TMSB4X: variants seen among roughly 807,000 people sequenced by gnomAD.
TMSB4X encodes thymosin beta-4.
TMSB4X carries 1 observed loss-of-function variant against 3.6 expected under a neutral mutation model. The observed-to-expected ratio is 0.28, with a 90% CI of 0.10 to 1.32. The LOEUF is 1.32. TMSB4X is among the 40% of genes most tolerant of loss of function. The pLI is 0.45. For synonymous variants in TMSB4X, 12 were observed against 14.3 expected (o/e 0.84, Z 0.36); for missense variants, 6 against 32.7 (o/e 0.18, Z 1.99).
intron 1 of TMSB4X, chrX:12,975,457 C>T (rs755472234): frequency 8.8e-6 from 1 of 113,146 alleles, no homozygotes; most frequent in African/African-American, 3.2e-5. Context: ...TTGTGCGTTG[C>T]CTTGGAGGCT....
chrX:12,976,868 T>C lies in TMSB4X; in HGVS notation c.*57T>C, dbSNP rs2043299373. On this transcript the variant is annotated 3_prime_UTR_variant, in exon 3 of 3. Coordinates refer to ENST00000451311, the MANE Select transcript of TMSB4X (RefSeq NM_021109.4). ...TTCCACAAGCATTGCCTTCTTATTT[T>C]ACTTCTTTTAGCTGTTTAACTTTGT... 3.5e-6 allele frequency: 4 copies of C among 1,138,877 alleles called. No individual in the cohort carries two copies. Among genetic ancestry groups the C allele is most frequent in the Non-Finnish European group, 1.2e-6 (1 of 835,594 alleles). The allele number at this position is 1,138,877 out of a possible 1,213,427, so 93.9% of individuals were successfully genotyped here.
chrX:12,976,184 A>C (rs2043295174), intron 1 of TMSB4X, 62 bp from the exon 2 acceptor site: 1 of 895,859 alleles, frequency 1.1e-6, no homozygotes, highest in Non-Finnish European at 1.6e-6. Context: ...TGCAGTTCCC[A>C]GCCCAGAGAC....
intron 1 of TMSB4X, chrX:12,976,012 G>T: frequency 3.1e-6 from 1 of 325,485 alleles, no homozygotes; most frequent in Non-Finnish European, 5.5e-6. Flanking sequence ...GGCTTTGAGA[G>T]GCATCCGCCC....
chrX:12,975,809 C>G, intron 1 of TMSB4X: 1 of 115,771 alleles, frequency 8.6e-6, no homozygotes, highest in Non-Finnish European at 1.8e-5. Context: ...GGCCCGCATC[C>G]TTGCGGAGAG....
At position 12,976,821 on chromosome X, in the gene TMSB4X, C is replaced by G; in HGVS notation, c.*10C>G. ...AGCAGGCGAATCGTAATGAGGCGTG[C>G]GCCGCCAATATGCACTGTACATTCC... is the stretch of plus-strand genomic sequence containing the variant. On this transcript the variant is annotated 3_prime_UTR_variant, in exon 3 of 3. Transcript: ENST00000451311. 6 of 1,193,040 alleles carry G rather than the reference C, an allele frequency of 5.0e-6. No individual in the cohort carries two copies. Among genetic ancestry groups the G allele is most frequent in the Non-Finnish European group, 6.8e-6 (6 of 887,369 alleles).
In TMSB4X at chrX:12,976,377, C is replaced by T; in HGVS notation, c.100+16C>T. 8.4e-7 allele frequency: 1 copy of T among 1,190,381 alleles called. No homozygotes were observed. The highest frequency in any genetic ancestry group is 1.1e-6 in the Non-Finnish European group (1 of 876,761). On this transcript the variant is annotated intron_variant, in intron 2 of 2. Coordinates refer to ENST00000451311, the MANE Select transcript of TMSB4X (RefSeq NM_021109.4). ...TCCAAAGAAAGTGAGCTCCGACCCA[C>T]CCCCATCTTTAGAAAGGCTGGGTGG...
intron 2 of TMSB4X, among the ~76,000 whole-genome samples, chrX:12,976,563 G>T (rs1402224775): frequency 9.0e-6 from 1 of 111,174 alleles, no homozygotes; most frequent in Admixed American, 9.5e-5. Flanking sequence ...ATTTAGTAAT[G>T]GAATATTTAA....
intron 1 of TMSB4X, 105 bp downstream of exon 1, chrX:12,975,273 G>A (rs2043288461): frequency 8.8e-6 from 1 of 113,359 alleles, no homozygotes. Context: ...CCGAGCCCGA[G>A]TGGTTCTCCC....
intron 1 of TMSB4X, 96 bp from the exon 2 acceptor site, chrX:12,976,150 A>C: frequency 1.7e-6 from 1 of 603,576 alleles, no homozygotes; most frequent in Non-Finnish European, 2.7e-6. Context: ...GGTTTTTTTC[A>C]GGCTGCGGGT....
Position 12,975,125 on chromosome X carries a change from A to G in TMSB4X, c.-60A>G, listed in dbSNP as rs907731134. ...CCCGCCCGACAACTCGGTGGTGGCC[A>G]CTGCGCAGACCAGACTTCGCTCGTA... On this transcript the variant is annotated 5_prime_UTR_variant, in exon 1 of 3. Coordinates refer to ENST00000451311, the MANE Select transcript of TMSB4X (RefSeq NM_021109.4). 95 of 116,631 alleles carry G rather than the reference A, an allele frequency of 8.1e-4. No homozygotes were observed. The highest frequency in any genetic ancestry group is 1.5e-3 in the Non-Finnish European group (80 of 53,661). 9.6% of individuals were successfully genotyped at this position (116,631 alleles called of 1,213,427 possible). A position where few individuals can be genotyped will look rare whatever the true frequency, so the allele number is the denominator to read the frequency against.
At chrX:12,975,372 A>T (rs1361448499) in intron 1 of TMSB4X, 1 of 113,464 alleles carries the variant, frequency 8.8e-6, no homozygotes. Flanking sequence ...TAAGAACAAA[A>T]CCGAAAAACT....
intron 1 of TMSB4X, chrX:12,976,020 C>T: frequency 2.9e-6 from 1 of 350,736 alleles, no homozygotes; most frequent in Non-Finnish European, 5.1e-6. Flanking sequence ...GAGGCATCCG[C>T]CCTCTTTGGT....
chrX:12,976,385 T>G (rs1415390670), intron 2 of TMSB4X, 24 bp downstream of exon 2: 15 of 1,178,160 alleles, frequency 1.3e-5, no homozygotes, highest in Middle Eastern at 4.7e-4. Context: ...CACCCCCATC[T>G]TTAGAAAGGC....
intron 1 of TMSB4X, chrX:12,975,525 C>A (rs1287762877): frequency 1.8e-5 from 2 of 113,298 alleles, no homozygotes; most frequent in Non-Finnish European, 3.7e-5. Flanking sequence ...GAGCCCCGAG[C>A]CTCCTCCCAG....
At position 12,976,748 on chromosome X, in the gene TMSB4X, CTTTTT is replaced by C. The variant is rs138495959; in HGVS notation, c.101-15_101-11del. On this transcript the variant is annotated intron_variant, in intron 2 of 2. Coordinates refer to ENST00000451311, the MANE Select transcript of TMSB4X (RefSeq NM_021109.4). ...GAATCCTTTAATCATCTCCCTCCAT[CTTTTT>C]TTTTTTTTTTTTTCTGGTCACAGCG... The C allele has an allele frequency of 6.3e-5, 67 of 1,069,330 alleles. No individual in the cohort carries two copies. In the South Asian group the frequency reaches 8.8e-4, roughly 14 times the overall value. 88.1% of individuals were successfully genotyped at this position (1,069,330 alleles called of 1,213,427 possible).
chrX:12,975,918 C>T (rs1292519640), intron 1 of TMSB4X: 1 of 132,239 alleles, frequency 7.6e-6, no homozygotes, highest in African/African-American at 3.1e-5. Context: ...CTTTCCTCTT[C>T]TTTCCTTGTC....
chrX:12,976,610 A>G (rs1177902197), intron 2 of TMSB4X, among the ~76,000 whole-genome samples, 167 bp from the exon 3 acceptor site: 1 of 112,612 alleles, frequency 8.9e-6, no homozygotes, highest in African/African-American at 3.2e-5. Context: ...ATCCATTAAA[A>G]TGTATTTCTA....
At chrX:12,976,632 C>T (rs752015072) in intron 2 of TMSB4X, 145 bp from the exon 3 acceptor site, 7 of 643,460 alleles carry the variant, frequency 1.1e-5, no homozygotes, top group Admixed American at 6.1e-5. Context: ...TTAGTATATT[C>T]AATATACATA....
chrX:12,976,443 G>A lies in TMSB4X; in HGVS notation c.100+82G>A, dbSNP rs976111240. ...GGGCGGGAGGCTGGGAGCGGCCGCG[G>A]GAAGAATTCGGGAGGGGGGAGTGCG... On this transcript the variant is annotated intron_variant, in intron 2 of 2. Transcript: ENST00000451311. 3 of 856,548 alleles carry A rather than the reference G, an allele frequency of 3.5e-6. No individual in the cohort carries two copies. In the African/African-American group the frequency reaches 6.1e-5, roughly 17 times the overall value. The allele number at this position is 856,548 out of a possible 1,213,427, so 70.6% of individuals were successfully genotyped here.
Sources: allele counts gnomAD v4.1 joint callset (sites outside exome capture counted in the v4.1 genomes callset), GRCh38; gene constraint gnomAD v4.1.1; transcripts MANE v1.5; gene names NCBI Gene and HGNC (gene_info 2026-07-23, HGNC 2026-07-21).